Variants in CNKSR3 observed in about 807,000 individuals in gnomAD.
CNKSR3 encodes the protein CNKSR family member 3.
CNKSR3 carries 36 observed loss-of-function variants against 67.7 expected under a neutral mutation model. The observed-to-expected ratio is 0.53, with a 90% CI of 0.41 to 0.70. The LOEUF (loss-of-function observed/expected upper bound fraction) is 0.70, where lower values mean the gene tolerates loss of function less well. CNKSR3 is among the 30% of genes least tolerant of loss of function. The pLI, the probability that CNKSR3 is intolerant of heterozygous loss-of-function variation, is 0.00. For missense variants in CNKSR3, 630 were observed against 695.2 expected (o/e 0.91, Z 1.05); for synonymous variants, 281 against 271.4 (o/e 1.04, Z -0.35).
At chr6:154,414,200 G>T in intron 10 of CNKSR3, 99 bp downstream of exon 10, 1 of 1,299,100 alleles carries the variant, frequency 7.7e-7, no homozygotes, top group East Asian at 2.5e-5. Context: ...TCACACTGTG[G>T]CTCAGCAACT....
At chr6:154,438,032 G>A (rs1473695038) in intron 4 of CNKSR3, among the ~76,000 whole-genome samples, 9 of 151,210 alleles carry the variant, frequency 6.0e-5, no homozygotes, top group African/African-American at 1.2e-4. Flanking sequence ...TCCTGACCTC[G>A]TGATCCACCC....
chr6:154,408,630 AC>A (rs1286282682), intron 12 of CNKSR3, among the ~76,000 whole-genome samples: 1 of 152,198 alleles, frequency 6.6e-6, no homozygotes, highest in Non-Finnish European at 1.5e-5. Context: ...CTGAAGAAGG[AC>A]GGAATTGGGA....
At chr6:154,491,137 G>A (rs562771047) in intron 1 of CNKSR3, among the ~76,000 whole-genome samples, 96 of 152,220 alleles carry the variant, frequency 6.3e-4, no homozygotes, top group African/African-American at 2.2e-3. Flanking sequence ...GTGAGCCACC[G>A]CGCCCGGCCC....
intron 4 of CNKSR3, among the ~76,000 whole-genome samples, chr6:154,435,735 G>A (rs1210932230): frequency 2.6e-5 from 4 of 152,220 alleles, no homozygotes; most frequent in Non-Finnish European, 5.9e-5. Flanking sequence ...CACAGCCCTG[G>A]GTCACCTGGC....
At chr6:154,484,534 T>C (rs1562353666) in intron 1 of CNKSR3, among the ~76,000 whole-genome samples, 1 of 151,836 alleles carries the variant, frequency 6.6e-6, no homozygotes, top group Non-Finnish European at 1.5e-5. Flanking sequence ...TGAAACCCCA[T>C]CTCTACTAAA....
chr6:154,491,041 T>G (rs944839491), intron 1 of CNKSR3, among the ~76,000 whole-genome samples: 3 of 152,050 alleles, frequency 2.0e-5, no homozygotes, highest in Admixed American at 6.6e-5. Flanking sequence ...GAGATGAGGT[T>G]TCTCCATGTT....
chr6:154,498,023 T>TA (rs1786912222), intron 1 of CNKSR3, among the ~76,000 whole-genome samples: 1 of 151,824 alleles, frequency 6.6e-6, no homozygotes, highest in Admixed American at 6.6e-5. Context: ...TATGGGGAGG[T>TA]AAACTCAACC....
At chr6:154,454,104 C>CACACACACACACACACACACACAGAG (rs1268729108) in intron 1 of CNKSR3, among the ~76,000 whole-genome samples, 2 of 116,288 alleles carry the variant, frequency 1.7e-5, no homozygotes, top group Admixed American at 8.7e-5. Context: ...CACACACACA[C>CACACACACACACACACACACACAGAG]AGAGAGAGAG....
At chr6:154,469,625 G>A (rs1348207829) in intron 1 of CNKSR3, among the ~76,000 whole-genome samples, 1 of 152,164 alleles carries the variant, frequency 6.6e-6, no homozygotes, top group East Asian at 1.9e-4. Context: ...TTTGCTACCA[G>A]ATCTTTCTTA....
In CNKSR3 at chr6:154,454,102, C is replaced by CAGAGAGAGAG. The variant is rs1357528671; in HGVS notation, c.53-3845_53-3844insCTCTCTCTCT. Among the ~76,000 whole-genome samples, 55 of 115,280 alleles carry CAGAGAGAGAG rather than the reference C, an allele frequency of 4.8e-4. 1 individual carries two copies. The highest frequency in any genetic ancestry group is 1.6e-3 in the African/African-American group (48 of 29,500). 75.6% of individuals were successfully genotyped at this position (115,280 alleles called of 152,430 possible). On this transcript the variant is annotated intron_variant, in intron 1 of 12. Coordinates refer to ENST00000607772, the MANE Select transcript of CNKSR3 (RefSeq NM_173515.4). ...ATGAAAACACACACACACACACACACACAGAGAGAGAGAGAGAGAGAGAGA... is the reference window on the plus strand; with the variant it reads ...ATGAAAACACACACACACACACACACAGAGAGAGAGACAGAGAGAGAGAGAGAGAGAGAGA...
intron 1 of CNKSR3, among the ~76,000 whole-genome samples, chr6:154,501,410 C>T (rs1344664578): frequency 6.6e-6 from 1 of 152,104 alleles, no homozygotes; most frequent in Non-Finnish European, 1.5e-5. Flanking sequence ...CCTCCCTGAC[C>T]ACGACTTGTA....
At position 154,435,433 on chromosome 6, in the gene CNKSR3, G is replaced by A. The variant is rs114776107; in HGVS notation, c.508-1926C>T. ...AGGTTCCTACAACTTGATTCCTTGA[G>A]GGATCCAAGAGGCCACCAAGAATAT... is the stretch of plus-strand genomic sequence containing the variant. On this transcript the variant is annotated intron_variant, in intron 4 of 12. Coordinates refer to ENST00000607772, the MANE Select transcript of CNKSR3 (RefSeq NM_173515.4). Among the ~76,000 whole-genome samples the A allele has an allele frequency of 2.9e-3, 446 of 152,256 alleles. 5 individuals are homozygous for A. Among genetic ancestry groups the A allele is most frequent in the African/African-American group, 0.01 (434 of 41,542 alleles).
intron 2 of CNKSR3, among the ~76,000 whole-genome samples, chr6:154,447,416 G>A (rs764866945): frequency 6.6e-6 from 1 of 152,128 alleles, no homozygotes; most frequent in African/African-American, 2.4e-5. Flanking sequence ...CCTCTACCCA[G>A]AGAGAGGAAG....
intron 1 of CNKSR3, among the ~76,000 whole-genome samples, chr6:154,486,444 G>A (rs540036911): frequency 4.4e-4 from 66 of 149,104 alleles, no homozygotes; most frequent in African/African-American, 1.4e-3. Flanking sequence ...TTACAGGCAC[G>A]GGCCACCACG....
chr6:154,489,467 G>T (rs933020997), intron 1 of CNKSR3, among the ~76,000 whole-genome samples: 3 of 152,048 alleles, frequency 2.0e-5, no homozygotes, highest in African/African-American at 7.3e-5. Flanking sequence ...GGAGGTGGAG[G>T]TTGCAGTAAG....
rs956655423 is a variant in CNKSR3, at chr6:154,430,554, C to G, written c.587G>C (p.Arg196Pro). 3.7e-6 allele frequency: 6 copies of G among 1,611,822 alleles called. No individual in the cohort carries two copies. Among genetic ancestry groups the G allele is most frequent in the Admixed American group, 3.4e-5 (2 of 59,536 alleles). ...GCTCATCACAGGATCTGTGGTAGATCGGATTGTTTTGTCACAGATGCCATT... is the reference window on the plus strand; with the variant it reads ...GCTCATCACAGGATCTGTGGTAGATGGGATTGTTTTGTCACAGATGCCATT... ...VLNGICDKTI[R>P]STTDPVMSQC... The change falls in exon 6 of 13, where the codon CGA becomes CCA. Residue 196 changes from arginine to proline, a missense_variant. Arg to Pro is a moderately radical substitution (Grantham distance 103). Around this residue, in one of 3 missense-constraint regions of CNKSR3, gnomAD observed 133 missense variants for 190.6 expected, o/e 0.70. Transcript: ENST00000607772.
In CNKSR3 at chr6:154,398,871, C is replaced by T. The variant is rs929838735; in HGVS notation, c.*7483G>A. The T allele has an allele frequency of 1.3e-5, 2 of 152,334 alleles. No individual in the cohort carries two copies. The highest frequency in any genetic ancestry group is 1.5e-5 in the Non-Finnish European group (1 of 68,096). The allele number at this position is 152,334 out of a possible 1,614,324, so 9.4% of individuals were successfully genotyped here. The stretch of plus-strand genomic sequence containing the variant: ...CTGAGGTGAGCGGATCACCTGAGGT[C>T]GGGAGTTCGAGACCAGCCTGACCAA... On this transcript the variant is annotated 3_prime_UTR_variant, in exon 13 of 13. Transcript: ENST00000607772.
At chr6:154,433,433 A>T in intron 5 of CNKSR3, 33 bp downstream of exon 5, 2 of 1,467,716 alleles carry the variant, frequency 1.4e-6, no homozygotes, top group Non-Finnish European at 1.9e-6. Flanking sequence ...TTGGAAAATG[A>T]ATTTTACAAT....
chr6:154,471,492 A>G (rs1352161186), intron 1 of CNKSR3, among the ~76,000 whole-genome samples: 3 of 152,172 alleles, frequency 2.0e-5, no homozygotes, highest in African/African-American at 7.2e-5. Flanking sequence ...GTGAGCCAAG[A>G]TCGCATCATT....
Sources: allele counts gnomAD v4.1 joint callset (sites outside exome capture counted in the v4.1 genomes callset), GRCh38; gene constraint gnomAD v4.1.1; regional missense constraint gnomAD v4.1.1; transcripts MANE v1.5; gene names NCBI Gene and HGNC (gene_info 2026-07-23, HGNC 2026-07-21).